DDX10: variants seen among roughly 807,000 people sequenced by gnomAD.
DDX10 encodes probable ATP-dependent RNA helicase DDX10.
In DDX10, 74 loss-of-function variants were observed where a neutral mutation model predicts 104.3. That is an observed-to-expected ratio of 0.71 (90% CI 0.59 to 0.86). The LOEUF is 0.86. DDX10 is among the 40% of genes least tolerant of loss of function. The pLI is 0.00. For synonymous variants in DDX10, 351 were observed against 353.4 expected (o/e 0.99, Z 0.08); for missense variants, 952 against 1,040.0 (o/e 0.92, Z 1.16).
intron 16 of DDX10, among the ~76,000 whole-genome samples, chr11:108,905,218 A>G (rs974530250): frequency 6.6e-6 from 1 of 151,014 alleles, no homozygotes; most frequent in African/African-American, 2.4e-5. Context: ...CTGTTATAAT[A>G]GATTCCATAC....
intron 13 of DDX10, among the ~76,000 whole-genome samples, chr11:108,836,542 A>G (rs1427199215): frequency 6.6e-6 from 1 of 152,178 alleles, no homozygotes; most frequent in Non-Finnish European, 1.5e-5. Context: ...GCTGGAGTGC[A>G]CTGGCACAAT....
chr11:108,712,447 T>A (rs2094285686), intron 10 of DDX10, among the ~76,000 whole-genome samples: 1 of 151,582 alleles, frequency 6.6e-6, no homozygotes, highest in Non-Finnish European at 1.5e-5. Flanking sequence ...GCATACCAGT[T>A]TTTTTTTTCT....
Position 108,706,824 on chromosome 11 carries a change from G to A in DDX10, c.1309G>A (p.Val437Met), listed in dbSNP as rs1225960543. 3.1e-6 allele frequency: 5 copies of A among 1,613,678 alleles called. No individual in the cohort carries two copies. The highest frequency in any genetic ancestry group is 4.2e-6 in the Non-Finnish European group (5 of 1,179,630). ...GCAGCTTCTTCAGAAGAAAGTACCT[G>A]TGAAGGAAATCAAGTAAGAGCTACT... is the stretch of plus-strand genomic sequence containing the variant. ...VQQLLQKKVP[V>M]KEIKINPEKL... The change falls in exon 10 of 18, where the codon GTG (valine) becomes ATG (methionine). Residue 437 changes from valine (V) to methionine (M), a missense_variant. Around this residue, in one of 3 missense-constraint regions of DDX10, gnomAD observed 533 missense variants for 534.1 expected, o/e 1.00. Coordinates refer to ENST00000322536, the MANE Select transcript of DDX10 (RefSeq NM_004398.4).
chr11:108,894,823 T>A lies in DDX10; in HGVS notation c.2305-23050T>A, dbSNP rs180676080. 8.5e-5 allele frequency among the ~76,000 whole-genome samples: 13 copies of A among 152,112 alleles called. No individual in the cohort carries two copies. In the East Asian group the frequency reaches 2.5e-3, roughly 29 times the overall value. On this transcript the variant is annotated intron_variant, in intron 16 of 17. Transcript: ENST00000322536. The stretch of plus-strand genomic sequence containing the variant: ...ATGAAATTTTGAGGGCACTCGGGCA[T>A]TTTATAACTCATTCTCATTTTTGAA...
chr11:108,773,352 C>T (rs1409279333), intron 13 of DDX10, among the ~76,000 whole-genome samples: 2 of 152,152 alleles, frequency 1.3e-5, no homozygotes, highest in African/African-American at 4.8e-5. Context: ...AGAGATTTAC[C>T]TGTCAAGGTA....
At chr11:108,837,757 G>C (rs1194870815) in intron 13 of DDX10, among the ~76,000 whole-genome samples, 1 of 151,178 alleles carries the variant, frequency 6.6e-6, no homozygotes, top group East Asian at 1.9e-4. Context: ...TGAGTAGCTG[G>C]GATTACAGGC....
At chr11:108,848,766 G>T (rs778275638) in intron 15 of DDX10, among the ~76,000 whole-genome samples, 5 of 152,082 alleles carry the variant, frequency 3.3e-5, no homozygotes, top group Non-Finnish European at 5.9e-5. Context: ...GTGTTGGAGA[G>T]GTGGGTTGGT....
rs1264284925 is a variant in DDX10 at position 108,706,830 on chromosome 11, G to A, written c.1315G>A (p.Glu439Lys). 11 of 1,613,272 alleles carry A rather than the reference G, an allele frequency of 6.8e-6. No homozygotes were observed. The highest frequency in any genetic ancestry group is 9.3e-6 in the Non-Finnish European group (11 of 1,179,278). Residue 439 changes from glutamate (E) to lysine (K), a missense_variant, in exon 10 of 18, where the codon GAA becomes AAA. Around this residue, in one of 3 missense-constraint regions of DDX10, gnomAD observed 533 missense variants for 534.1 expected, o/e 1.00. Transcript: ENST00000322536. The stretch of plus-strand genomic sequence containing the variant: ...TCTTCAGAAGAAAGTACCTGTGAAG[G>A]AAATCAAGTAAGAGCTACTTGTTGT... ...QLLQKKVPVK[E>K]IKINPEKLID...
At chr11:108,876,775 A>G (rs191432151) in intron 16 of DDX10, among the ~76,000 whole-genome samples, 1 of 152,302 alleles carries the variant, frequency 6.6e-6, no homozygotes, top group East Asian at 1.9e-4. Context: ...ACGCTTTTCT[A>G]GAAGAGAGAA....
At chr11:108,820,919 A>G (rs1344151548) in intron 13 of DDX10, among the ~76,000 whole-genome samples, 1 of 152,244 alleles carries the variant, frequency 6.6e-6, no homozygotes, top group Non-Finnish European at 1.5e-5. Flanking sequence ...TGATATCAGA[A>G]TAAGTAACAG....
chr11:108,853,988 AG>A lies in DDX10; in HGVS notation c.2304+1780del, dbSNP rs1294004404. 2.6e-5 allele frequency among the ~76,000 whole-genome samples: 4 copies of A among 152,200 alleles called. No homozygotes were observed. The East Asian group carries it at 7.7e-4, about 29-fold the overall frequency. Reference sequence around the variant, plus strand: ...AATAGTTTAGCTACCTCCATTTCACAGCCCTTTTCTGAGTGCTCAGAGATGG... The same window carrying A: ...AATAGTTTAGCTACCTCCATTTCACACCCTTTTCTGAGTGCTCAGAGATGG... On this transcript the variant is annotated intron_variant, in intron 16 of 17. Coordinates refer to ENST00000322536, the MANE Select transcript of DDX10 (RefSeq NM_004398.4).
chr11:108,907,854 A>G (rs924427721), intron 16 of DDX10, among the ~76,000 whole-genome samples: 3 of 152,238 alleles, frequency 2.0e-5, no homozygotes, highest in African/African-American at 7.2e-5. Context: ...ACCATTATAG[A>G]ATAAATTTCT....
intron 12 of DDX10, among the ~76,000 whole-genome samples, chr11:108,721,866 T>C (rs921829472): frequency 6.6e-6 from 1 of 152,184 alleles, no homozygotes; most frequent in Non-Finnish European, 1.5e-5. Context: ...TTTTGGTAGC[T>C]GAGAGAGACA....
intron 13 of DDX10, among the ~76,000 whole-genome samples, chr11:108,757,413 G>T (rs901139315): frequency 6.6e-6 from 1 of 151,972 alleles, no homozygotes; most frequent in African/African-American, 2.4e-5. Flanking sequence ...CTATTTATGG[G>T]ATTTGGAAAC....
chr11:108,734,060 A>G (rs781396047), intron 13 of DDX10, among the ~76,000 whole-genome samples: 2 of 151,224 alleles, frequency 1.3e-5, no homozygotes, highest in Non-Finnish European at 3.0e-5. Flanking sequence ...TACTTCTTCA[A>G]CCCACTGACC....
intron 13 of DDX10, among the ~76,000 whole-genome samples, chr11:108,807,820 G>A (rs1475140700): frequency 6.6e-6 from 1 of 152,144 alleles, no homozygotes; most frequent in Non-Finnish European, 1.5e-5. Context: ...AATGTAGGAC[G>A]AGAAGGCTGG....
chr11:108,827,219 T>C (rs1298625444), intron 13 of DDX10, among the ~76,000 whole-genome samples: 3 of 152,248 alleles, frequency 2.0e-5, no homozygotes, highest in African/African-American at 7.2e-5. Flanking sequence ...TCCTATATAC[T>C]AGCCTATCTG....
At chr11:108,747,915 A>T (rs2094333786) in intron 13 of DDX10, among the ~76,000 whole-genome samples, 1 of 152,132 alleles carries the variant, frequency 6.6e-6, no homozygotes, top group Non-Finnish European at 1.5e-5. Context: ...ACAGTATGTC[A>T]GATAGAGACA....
At chr11:108,832,219 A>C (rs1165423258) in intron 13 of DDX10, among the ~76,000 whole-genome samples, 6 of 151,988 alleles carry the variant, frequency 3.9e-5, no homozygotes, top group Admixed American at 3.9e-4. Flanking sequence ...TTTTTTAAAA[A>C]TTCTAAAAAA....
Sources: allele counts gnomAD v4.1 joint callset (sites outside exome capture counted in the v4.1 genomes callset), GRCh38; gene constraint gnomAD v4.1.1; regional missense constraint gnomAD v4.1.1; transcripts MANE v1.5; gene names NCBI Gene and HGNC (gene_info 2026-07-23, HGNC 2026-07-21).